UBE2K: variants seen among roughly 807,000 people sequenced by gnomAD.
UBE2K encodes the protein ubiquitin conjugating enzyme E2 K, also known as ubiquitin-conjugating enzyme E2 K.
Under a neutral mutation model 30.0 loss-of-function variants are expected in UBE2K, and 6 were observed. That is an observed-to-expected ratio of 0.20 (90% CI 0.11 to 0.39). The LOEUF is 0.39. Among genes scored for constraint, UBE2K ranks in the 10% least tolerant of loss-of-function variants. The pLI is 1.00. For missense variants in UBE2K, 61 were observed against 241.6 expected (o/e 0.25, Z 4.96); for synonymous variants, 86 against 83.7 (o/e 1.03, Z -0.15).
At chr4:39,714,628 C>T (rs1250647502) in intron 1 of UBE2K, among the ~76,000 whole-genome samples, 1 of 144,752 alleles carries the variant, frequency 6.9e-6, no homozygotes, top group African/African-American at 2.6e-5. Context: ...CCCACTGCAG[C>T]CTCCGACTCC....
rs544172322 is a variant in UBE2K, at chr4:39,743,779, A to G, written c.158-1973A>G. On this transcript the variant is annotated intron_variant, in intron 2 of 6. Transcript: ENST00000261427. ...TTACTATATTTTGTAATAGTATTCT[A>G]TGTTATTAATCTTAGAGTTAAGAGT... Among the ~76,000 whole-genome samples the G allele has an allele frequency of 5.6e-4, 85 of 152,314 alleles. No individual in the cohort carries two copies. In the South Asian group the frequency reaches 0.013, roughly 23 times the overall value.
At chr4:39,705,148 G>A (rs1319407565) in intron 1 of UBE2K, among the ~76,000 whole-genome samples, 8 of 147,990 alleles carry the variant, frequency 5.4e-5, no homozygotes, top group African/African-American at 1.5e-4. Flanking sequence ...CTGCCGCCTC[G>A]GCCTCCCAAA....
At chr4:39,754,024 T>C (rs1309438147) in intron 3 of UBE2K, among the ~76,000 whole-genome samples, 1 of 151,980 alleles carries the variant, frequency 6.6e-6, no homozygotes, top group Non-Finnish European at 1.5e-5. Context: ...GCGAGACTCC[T>C]TCTCAAAAAA....
chr4:39,719,647 G>A (rs1325349680), intron 1 of UBE2K, among the ~76,000 whole-genome samples: 1 of 152,036 alleles, frequency 6.6e-6, no homozygotes, highest in Admixed American at 6.6e-5. Context: ...GTTAACTATG[G>A]GTGTCTTGCT....
chr4:39,741,968 C>G (rs905261219), intron 2 of UBE2K, among the ~76,000 whole-genome samples: 1 of 152,078 alleles, frequency 6.6e-6, no homozygotes. Context: ...TTACCCTGAT[C>G]AAATAATGCT....
At chr4:39,770,593 C>T in intron 4 of UBE2K, 2 of 1,584,480 alleles carry the variant, frequency 1.3e-6, no homozygotes, top group East Asian at 2.3e-5. Flanking sequence ...CTGGCCCGGC[C>T]TCCCGGAGTC....
intron 1 of UBE2K, among the ~76,000 whole-genome samples, chr4:39,707,441 C>G (rs1718429623): frequency 6.6e-6 from 1 of 151,878 alleles, no homozygotes; most frequent in South Asian, 2.1e-4. Flanking sequence ...CTCAGGTGAT[C>G]CGCCTGCCTT....
chr4:39,704,878 T>TA (rs1423273590), intron 1 of UBE2K, among the ~76,000 whole-genome samples: 1 of 148,364 alleles, frequency 6.7e-6, no homozygotes, highest in Non-Finnish European at 1.5e-5. Context: ...CCTTTTTTTT[T>TA]TTTTTTTTTT....
chr4:39,732,709 T>C (rs934460856), intron 1 of UBE2K, among the ~76,000 whole-genome samples: 2 of 147,516 alleles, frequency 1.4e-5, no homozygotes, highest in African/African-American at 5.0e-5. Context: ...AGAGTCTTGC[T>C]TCGTAGCCCA....
At chr4:39,757,024 TG>T (rs201218845) in intron 4 of UBE2K, among the ~76,000 whole-genome samples, 22,114 of 100,186 alleles carry the variant, frequency 0.22, 5,705 homozygotes, top group East Asian at 0.31. Flanking sequence ...TTTTGTTTTT[TG>T]TTTTTTGTTT....
rs1290135731 is a variant in UBE2K, at chr4:39,779,953, A to G, written c.*1519A>G. On this transcript the variant is annotated 3_prime_UTR_variant, in exon 7 of 7. Transcript: ENST00000261427. ...TCAGCATAACTTCATTTGACTTCTC[A>G]ATAATCTTGATACTAGAAGCAATAA... 2.0e-5 allele frequency: 3 copies of G among 152,172 alleles called. No individual in the cohort carries two copies. Among genetic ancestry groups the G allele is most frequent in the African/African-American group, 7.2e-5 (3 of 41,472 alleles). The allele number at this position is 152,172 out of a possible 1,614,324, so 9.4% of individuals were successfully genotyped here. A position where few individuals can be genotyped will look rare whatever the true frequency, so the allele number is the denominator to read the frequency against.
intron 1 of UBE2K, among the ~76,000 whole-genome samples, chr4:39,703,387 G>A (rs992044778): frequency 6.6e-6 from 1 of 152,044 alleles, no homozygotes; most frequent in Admixed American, 6.6e-5. Flanking sequence ...GGTGGTATGT[G>A]CCTATAGTGG....
At chr4:39,768,712 C>T (rs564925488) in intron 4 of UBE2K, among the ~76,000 whole-genome samples, 1 of 152,130 alleles carries the variant, frequency 6.6e-6, no homozygotes, top group African/African-American at 2.4e-5. Context: ...AAACTCCATA[C>T]TGTTTTTCCA....
chr4:39,702,219 T>G (rs1442035120), intron 1 of UBE2K, among the ~76,000 whole-genome samples: 2 of 77,262 alleles, frequency 2.6e-5, no homozygotes, highest in African/African-American at 1.0e-4. Context: ...TTCTTTTCTT[T>G]TCTTTTCTTT....
At chr4:39,770,434 G>A (rs1712711257) in intron 4 of UBE2K, 2 of 1,612,194 alleles carry the variant, frequency 1.2e-6, no homozygotes, top group Non-Finnish European at 1.7e-6. Flanking sequence ...TCCACGCCCT[G>A]GAACACTTCC....
At chr4:39,770,279 C>T in intron 4 of UBE2K, 1 of 1,611,518 alleles carries the variant, frequency 6.2e-7, no homozygotes, top group East Asian at 2.2e-5. Context: ...GTGTGAAGCA[C>T]TTGCCGCAGA....
intron 1 of UBE2K, among the ~76,000 whole-genome samples, chr4:39,729,277 A>G (rs963564653): frequency 2.6e-5 from 4 of 151,770 alleles, no homozygotes; most frequent in South Asian, 2.1e-4. Context: ...GGTCTTTCCT[A>G]TCTTTCTGAC....
intron 1 of UBE2K, among the ~76,000 whole-genome samples, chr4:39,731,695 A>C (rs893351008): frequency 1.3e-5 from 2 of 152,286 alleles, no homozygotes; most frequent in Admixed American, 6.5e-5. Flanking sequence ...AGAAGGTAGA[A>C]ATCGAGTGTA....
At chr4:39,745,523 T>C (rs993719224) in intron 2 of UBE2K, among the ~76,000 whole-genome samples, 1 of 152,260 alleles carries the variant, frequency 6.6e-6, no homozygotes, top group African/African-American at 2.4e-5. Flanking sequence ...TCTGGCCTTG[T>C]TACTCACTGA....
Sources: gnomAD v4.1 joint callset for allele counts (sites outside exome capture counted in the v4.1 genomes callset) on GRCh38, gnomAD v4.1.1 for gene constraint, MANE v1.5 for transcripts, NCBI Gene and HGNC (gene_info 2026-07-23, HGNC 2026-07-21) for gene names.